The following OR1J2 variants were observed in gnomAD, a reference collection of about 807,000 sequenced individuals.
The protein encoded by OR1J2 is olfactory receptor 1J2.
For missense variants in OR1J2, 304 were observed against 246.1 expected (o/e 1.24, Z -1.57); for synonymous variants, 142 against 99.7 (o/e 1.42, Z -2.52).
At chr9:122,502,481 G>A in the OR1J2 span, among the ~76,000 whole-genome samples, 2 of 152,238 alleles carry the variant, frequency 1.3e-5, no homozygotes, top group South Asian at 4.2e-4. Context: ...GAGGAATCAC[G>A]CAGACCTTCA....
chr9:122,576,155 T>A, the OR1J2 span, among the ~76,000 whole-genome samples: 11 of 152,172 alleles, frequency 7.2e-5, no homozygotes, highest in Admixed American at 7.2e-4. Flanking sequence ...TGCTGTTGAC[T>A]TGTAAGAGTA....
chr9:122,573,557 T>C, the OR1J2 span, among the ~76,000 whole-genome samples: 1 of 152,212 alleles, frequency 6.6e-6, no homozygotes, highest in Non-Finnish European at 1.5e-5. Context: ...GCTGAGTGTC[T>C]GTTAAGACCT....
At chr9:122,488,550 G>A in the OR1J2 span, among the ~76,000 whole-genome samples, 2 of 152,192 alleles carry the variant, frequency 1.3e-5, no homozygotes, top group Non-Finnish European at 2.9e-5. Context: ...TTCCTCATGG[G>A]AAACACCTGA....
At chr9:122,458,294 T>C in the OR1J2 span, among the ~76,000 whole-genome samples, 1 of 152,226 alleles carries the variant, frequency 6.6e-6, no homozygotes. Flanking sequence ...TTCTTTTAAC[T>C]ACTTTAATGA....
At chr9:122,474,035 C>T in the OR1J2 span, among the ~76,000 whole-genome samples, 4 of 152,174 alleles carry the variant, frequency 2.6e-5, no homozygotes, top group African/African-American at 9.6e-5. Context: ...GTTACATAAA[C>T]TAAAAGAACA....
At chr9:122,516,643 G>A (rs890618290), downstream of OR1J2, among the ~76,000 whole-genome samples, 9 of 152,268 alleles carry the variant, frequency 5.9e-5, no homozygotes, top group African/African-American at 2.2e-4. Flanking sequence ...GATAGAAATA[G>A]GCATGGCTGA....
At chr9:122,576,498 G>T in the OR1J2 span, among the ~76,000 whole-genome samples, 2 of 151,850 alleles carry the variant, frequency 1.3e-5, no homozygotes, top group Non-Finnish European at 2.9e-5. Context: ...GCCTCCCAAG[G>T]TTCTGGGATT....
chr9:122,561,355 A>C, the OR1J2 span, among the ~76,000 whole-genome samples: 3 of 152,000 alleles, frequency 2.0e-5, no homozygotes, highest in Non-Finnish European at 4.4e-5. Flanking sequence ...CATCTATTTC[A>C]TCCTCCATCC....
the OR1J2 span, among the ~76,000 whole-genome samples, chr9:122,525,537 T>C: frequency 6.6e-6 from 1 of 152,170 alleles, no homozygotes; most frequent in East Asian, 1.9e-4. Flanking sequence ...ATTTTTTCCA[T>C]CTCTGCAACT....
chr9:122,570,927 T>A, the OR1J2 span, among the ~76,000 whole-genome samples: 4 of 152,194 alleles, frequency 2.6e-5, no homozygotes, highest in African/African-American at 9.6e-5. Context: ...CATTTTTACA[T>A]ACAGGAGGCT....
At chr9:122,486,302 G>A in the OR1J2 span, among the ~76,000 whole-genome samples, 31 of 152,194 alleles carry the variant, frequency 2.0e-4, no homozygotes, top group East Asian at 5.4e-3. Flanking sequence ...GAGAACACTG[G>A]GATTCAGTGA....
At chr9:122,476,694 TC>T in the OR1J2 span, among the ~76,000 whole-genome samples, 14 of 152,136 alleles carry the variant, frequency 9.2e-5, no homozygotes, top group Non-Finnish European at 1.8e-4. Flanking sequence ...TTTTTTTTAC[TC>T]AATAATTTTT....
chr9:122,484,094 A>G, the OR1J2 span, among the ~76,000 whole-genome samples: 2 of 152,158 alleles, frequency 1.3e-5, no homozygotes, highest in African/African-American at 2.4e-5. Flanking sequence ...TTCTCCATCA[A>G]TTTCCAAGGT....
At chr9:122,489,599 T>G in the OR1J2 span, among the ~76,000 whole-genome samples, 1 of 152,198 alleles carries the variant, frequency 6.6e-6, no homozygotes, top group African/African-American at 2.4e-5. Flanking sequence ...TTTTTGCAAT[T>G]ATCTATTGTT....
At chr9:122,547,401 T>TA in the OR1J2 span, among the ~76,000 whole-genome samples, 2 of 152,192 alleles carry the variant, frequency 1.3e-5, no homozygotes, top group East Asian at 3.8e-4. Flanking sequence ...TGTATAAACT[T>TA]AGAGGATACA....
At chr9:122,526,882 C>T in the OR1J2 span, 3 of 1,614,168 alleles carry the variant, frequency 1.9e-6, no homozygotes, top group Non-Finnish European at 2.5e-6. Context: ...AGGGCACAGA[C>T]TTGGGGCCTC....
the OR1J2 span, among the ~76,000 whole-genome samples, chr9:122,456,079 A>AT: frequency 6.6e-6 from 1 of 152,142 alleles, no homozygotes; most frequent in African/African-American, 2.4e-5. Flanking sequence ...AGTAGCACAC[A>AT]TTTTTTTATG....
At chr9:122,455,223 T>C in the OR1J2 span, among the ~76,000 whole-genome samples, 1 of 152,246 alleles carries the variant, frequency 6.6e-6, no homozygotes, top group East Asian at 1.9e-4. Flanking sequence ...TCAATTGTTT[T>C]AGGTATACAT....
chr9:122,469,874 G>C, the OR1J2 span, among the ~76,000 whole-genome samples: 1 of 152,146 alleles, frequency 6.6e-6, no homozygotes, highest in African/African-American at 2.4e-5. Context: ...GTGGAGCTTT[G>C]AATTTGAGAG....
Sources: gnomAD v4.1 joint callset for allele counts (sites outside exome capture counted in the v4.1 genomes callset) on GRCh38, gnomAD v4.1.1 for gene constraint, MANE v1.5 for transcripts, NCBI Gene and HGNC (gene_info 2026-07-23, HGNC 2026-07-21) for gene names.